The following UTP20 variants were observed in gnomAD, a reference collection of about 807,000 sequenced individuals.
UTP20 encodes small subunit processome component 20 homolog.
Under a neutral mutation model 329.5 loss-of-function variants are expected in UTP20, and 164 were observed. That is an observed-to-expected ratio of 0.50 (90% CI 0.44 to 0.57). The LOEUF is 0.57. UTP20 is among the 20% of genes least tolerant of loss of function. The pLI is 0.00. For synonymous variants in UTP20, 1,151 were observed against 1,159.3 expected (o/e 0.99, Z 0.14); for missense variants, 3,055 against 3,284.2 (o/e 0.93, Z 1.71).
chr12:101,305,459 C>T (rs550808493), intron 15 of UTP20, among the ~76,000 whole-genome samples: 5 of 150,514 alleles, frequency 3.3e-5, no homozygotes, highest in Middle Eastern at 3.5e-3. Context: ...CCCCAGAGCT[C>T]GTGTGTCAGA....
In UTP20 at chr12:101,374,905, T is replaced by C. The variant is rs1301989774; in HGVS notation, c.7229T>C (p.Ile2410Thr). The change falls in exon 55 of 62, where the codon ATT becomes ACT. Residue 2410 changes from isoleucine (I) to threonine (T), a missense_variant. Ile to Thr is a moderately conservative substitution (Grantham distance 89, BLOSUM62 -1). Around this residue, in one of 3 missense-constraint regions of UTP20, gnomAD observed 273 missense variants for 363.1 expected, o/e 0.75. Transcript: ENST00000261637. ...EKRLGTVLPV[I>T]EKEIDPENFK... ...AGACTTGGAACTGTCCTTCCTGTGA[T>C]TGAAAAGGAAATTGATCCTGAAAAC... is the stretch of plus-strand genomic sequence containing the variant. The C allele has an allele frequency of 6.2e-7, 1 of 1,611,768 alleles. No homozygotes were observed. The highest frequency in any genetic ancestry group is 8.5e-7 in the Non-Finnish European group (1 of 1,177,936).
chr12:101,290,835 A>G lies in UTP20; in HGVS notation c.838A>G (p.Thr280Ala), dbSNP rs758317481. The G allele has an allele frequency of 4.5e-5, 73 of 1,613,960 alleles. No individual in the cohort carries two copies. The Middle Eastern group carries it at 5.0e-4, about 11-fold the overall frequency. Residue 280 changes from threonine to alanine, a missense_variant, in exon 8 of 62, where the codon ACT becomes GCT. Transcript: ENST00000261637. ...GETLKNMVKSTVSYISKEHFG... is the reference protein window; with the variant it reads ...GETLKNMVKSAVSYISKEHFG... The stretch of plus-strand genomic sequence containing the variant: ...AACACTCAAAAACATGGTCAAATCC[A>G]CTGTATCCTACATCTCCAAGGAACA...
intron 5 of UTP20, among the ~76,000 whole-genome samples, chr12:101,287,135 C>A (rs888999879): frequency 6.6e-6 from 1 of 152,158 alleles, no homozygotes; most frequent in Non-Finnish European, 1.5e-5. Context: ...ATAATTGCCA[C>A]AGGAGTGTTT....
chr12:101,310,598 A>AAAAAAAAAAAAC (rs1162257880), intron 19 of UTP20, among the ~76,000 whole-genome samples: 2 of 150,070 alleles, frequency 1.3e-5, no homozygotes, highest in East Asian at 1.9e-4. Context: ...AAAAAAAAAA[A>AAAAAAAAAAAAC]TACATGTTAT....
In UTP20 at chr12:101,379,407, G is replaced by C; in HGVS notation, c.7433G>C (p.Trp2478Ser). The C allele has an allele frequency of 3.1e-6, 5 of 1,613,566 alleles. No individual in the cohort carries two copies. The highest frequency in any genetic ancestry group is 4.2e-6 in the Non-Finnish European group (5 of 1,179,642). The change falls in exon 57 of 62, where the codon TGG becomes TCG. Residue 2478 changes from tryptophan (W) to serine (S), a missense_variant. By Grantham distance (177) the Trp-to-Ser change is radical. Around this residue, in one of 3 missense-constraint regions of UTP20, gnomAD observed 273 missense variants for 363.1 expected, o/e 0.75. Coordinates refer to ENST00000261637, the MANE Select transcript of UTP20 (RefSeq NM_014503.3). Reference protein sequence around the residue: ...VHSHLRHPHNWVWLTAAQIFG... With the variant: ...VHSHLRHPHNSVWLTAAQIFG... ...TCTCACCTGAGACATCCACACAACT[G>C]GGTGTGGCTCACAGCAGCCCAGATT...
At chr12:101,379,872 T>C (rs986609245) in intron 57 of UTP20, among the ~76,000 whole-genome samples, 4 of 152,102 alleles carry the variant, frequency 2.6e-5, no homozygotes, top group African/African-American at 9.7e-5. Flanking sequence ...CAGGCTGGCG[T>C]GCAGTGGTGT....
intron 21 of UTP20, among the ~76,000 whole-genome samples, chr12:101,313,808 A>G (rs1593428836): frequency 6.6e-6 from 1 of 152,076 alleles, no homozygotes; most frequent in Non-Finnish European, 1.5e-5. Flanking sequence ...CTGAGCAACT[A>G]GAAGAAAGTT....
At position 101,372,916 on chromosome 12, in the gene UTP20, G is replaced by A; in HGVS notation, c.6831G>A (p.Leu2277=). Residue 2277 remains leucine (L), a synonymous_variant, in exon 52 of 62, where the codon CTG becomes CTA. Transcript: ENST00000261637. ...TGAAATATATTCTTGACTATCCCCTGGGTGACAAATTGAGACCAAACTTGG... is the reference window on the plus strand; with the variant it reads ...TGAAATATATTCTTGACTATCCCCTAGGTGACAAATTGAGACCAAACTTGG... ...VFLKYILDYP[L]GDKLRPNLEF... is the part of the protein sequence containing the mutation. 6.2e-7 allele frequency: 1 copy of A among 1,614,102 alleles called. No individual in the cohort carries two copies. Among genetic ancestry groups the A allele is most frequent in the Non-Finnish European group, 8.5e-7 (1 of 1,179,986 alleles).
chr12:101,372,735 C>T lies in UTP20; in HGVS notation c.6799-149C>T, dbSNP rs116157705. 1,110 of 617,222 alleles carry T rather than the reference C, an allele frequency of 1.8e-3. 9 individuals carry two copies. The African/African-American group carries it at 0.018, about 10-fold the overall frequency. 38.2% of individuals were successfully genotyped at this position (617,222 alleles called of 1,614,324 possible). ...TCACAGTTGCTATTGACTTCATAGG[C>T]AGATTTAGCTGGAGTGCATTGGAAA... On this transcript the variant is annotated intron_variant, in intron 51 of 61. Coordinates refer to ENST00000261637, the MANE Select transcript of UTP20 (RefSeq NM_014503.3).
chr12:101,297,874 G>A (rs984182035), intron 12 of UTP20, among the ~76,000 whole-genome samples: 8 of 152,108 alleles, frequency 5.3e-5, no homozygotes, highest in African/African-American at 1.4e-4. Context: ...GGAGGGTGAC[G>A]TGTTAAATAA....
chr12:101,385,824 G>A, intron 61 of UTP20, 96 bp downstream of exon 61: 2 of 1,514,586 alleles, frequency 1.3e-6, no homozygotes, highest in Non-Finnish European at 1.8e-6. Context: ...GAGGATCAAG[G>A]GTTTGAGCGG....
intron 54 of UTP20, among the ~76,000 whole-genome samples, chr12:101,374,011 G>A (rs1391387735): frequency 4.6e-5 from 7 of 152,118 alleles, no homozygotes; most frequent in Middle Eastern, 3.4e-3. Context: ...CGAGGCGGGC[G>A]GATCACGAGG....
intron 38 of UTP20, among the ~76,000 whole-genome samples, chr12:101,350,294 G>C (rs748491436): frequency 2.6e-5 from 4 of 152,042 alleles, no homozygotes; most frequent in Non-Finnish European, 5.9e-5. Flanking sequence ...TGCCTCCCAA[G>C]TACCTGGGAC....
At chr12:101,302,672 C>T (rs886286084) in intron 15 of UTP20, 119 bp downstream of exon 15, 41 of 602,812 alleles carry the variant, frequency 6.8e-5, no homozygotes, top group Middle Eastern at 4.4e-4. Context: ...GTTGTATTCA[C>T]GTAGTGAAAT....
At position 101,356,951 on chromosome 12, in the gene UTP20, C is replaced by T. The variant is rs754377144; in HGVS notation, c.5560C>T (p.Leu1854Phe). The T allele has an allele frequency of 1.3e-5, 21 of 1,613,066 alleles. No homozygotes were observed. The East Asian group carries it at 4.2e-4, about 33-fold the overall frequency. Residue 1854 changes from leucine (L) to phenylalanine (F), a missense_variant, in exon 43 of 62, where the codon CTC becomes TTC. Coordinates refer to ENST00000261637, the MANE Select transcript of UTP20 (RefSeq NM_014503.3). ...TATTTTGCTGAAAGTGTGTGCCCTA[C>T]TCAAGAACAGAGCCCAAGAAATCAG... is the stretch of plus-strand genomic sequence containing the variant. ...PSILLKVCAL[L>F]KNRAQEIRDI...
At chr12:101,366,787 C>G (rs1870108815) in intron 47 of UTP20, 88 bp downstream of exon 47, 5 of 1,464,726 alleles carry the variant, frequency 3.4e-6, no homozygotes, top group Non-Finnish European at 4.6e-6. Flanking sequence ...CTGCTCACTT[C>G]CATTGGAAAT....
chr12:101,360,065 A>G (rs1030729074), intron 43 of UTP20, among the ~76,000 whole-genome samples: 2 of 152,258 alleles, frequency 1.3e-5, no homozygotes, highest in African/African-American at 4.8e-5. Context: ...TTAAATGAGT[A>G]GCCCTTTTTT....
chr12:101,334,384 G>T (rs1207734403), intron 28 of UTP20, 41 bp from the exon 29 acceptor site: 3 of 1,539,950 alleles, frequency 1.9e-6, no homozygotes, highest in Non-Finnish European at 2.7e-6. Context: ...CTATAATTTG[G>T]TATATGTATT....
Position 101,308,283 on chromosome 12 carries a change from T to C in UTP20, c.2094T>C (p.His698=). Residue 698 remains histidine (H), a synonymous_variant, in exon 18 of 62, where the codon CAT becomes CAC. Transcript: ENST00000261637. ...TVNDYREKLL[H]LRKLRHDVVQ... ...ATGATTATAGAGAGAAGCTTCTTCA[T>C]TTGAGAAAACTAAGACATGATGTGG... is the stretch of plus-strand genomic sequence containing the variant. The C allele has an allele frequency of 6.2e-7, 1 of 1,612,978 alleles. No individual in the cohort carries two copies. The highest frequency in any genetic ancestry group is 8.5e-7 in the Non-Finnish European group (1 of 1,179,518).
Sources: allele counts gnomAD v4.1 joint callset (sites outside exome capture counted in the v4.1 genomes callset), GRCh38; gene constraint gnomAD v4.1.1; regional missense constraint gnomAD v4.1.1; transcripts MANE v1.5; gene names NCBI Gene and HGNC (gene_info 2026-07-23, HGNC 2026-07-21).